The following TMEM117 variants were observed in gnomAD, a reference collection of about 807,000 sequenced individuals.
TMEM117 encodes the protein transmembrane protein 117.
In TMEM117, 27 loss-of-function variants were observed where a neutral mutation model predicts 52.4. The ratio of observed to expected loss-of-function variants is 0.51; its 90% CI spans 0.38 to 0.71. TMEM117 has a LOEUF of 0.71. Among genes scored for constraint, TMEM117 ranks in the 30% least tolerant of loss-of-function variants. The pLI is 0.00. For synonymous variants in TMEM117, 215 were observed against 206.3 expected, an observed-to-expected ratio of 1.04 and a Z score of -0.36; for missense variants, 556 against 630.5, an observed-to-expected ratio of 0.88 and a Z score of 1.26.
intron 7 of TMEM117, among the ~76,000 whole-genome samples, chr12:44,379,151 G>C (rs958239031): frequency 1.3e-5 from 2 of 151,494 alleles, no homozygotes; most frequent in Non-Finnish European, 2.9e-5. Flanking sequence ...AAAGAGGAGG[G>C]AGGGAAGAAA....
intron 5 of TMEM117, among the ~76,000 whole-genome samples, chr12:44,255,011 G>C (rs1267369370): frequency 6.6e-6 from 1 of 152,116 alleles, no homozygotes; most frequent in Non-Finnish European, 1.5e-5. Flanking sequence ...TGGCTGCATA[G>C]TATTCCATGG....
chr12:44,162,085 G>A (rs561712704), intron 4 of TMEM117, among the ~76,000 whole-genome samples: 2 of 152,252 alleles, frequency 1.3e-5, no homozygotes, highest in African/African-American at 4.8e-5. Flanking sequence ...ATGAGATGCC[G>A]TATGGAGCTC....
intron 3 of TMEM117, among the ~76,000 whole-genome samples, chr12:43,978,144 A>T (rs1357933605): frequency 6.6e-6 from 1 of 152,110 alleles, no homozygotes; most frequent in Non-Finnish European, 1.5e-5. Flanking sequence ...GGAAAAATTG[A>T]TGTGATTGGG....
chr12:43,838,926 A>G (rs1434953171), intron 1 of TMEM117, among the ~76,000 whole-genome samples: 1 of 152,090 alleles, frequency 6.6e-6, no homozygotes, highest in East Asian at 1.9e-4. Context: ...AAAGCACTAA[A>G]AAGTGTTAAT....
chr12:43,818,088 G>A, the TMEM117 span, among the ~76,000 whole-genome samples: 2 of 152,164 alleles, frequency 1.3e-5, no homozygotes, highest in African/African-American at 2.4e-5. Flanking sequence ...TTTGTAGAAT[G>A]TTAATTTAAG....
chr12:43,980,424 G>A (rs1170094284), intron 3 of TMEM117, among the ~76,000 whole-genome samples: 1 of 152,158 alleles, frequency 6.6e-6, no homozygotes, highest in East Asian at 1.9e-4. Context: ...TGGGATATGG[G>A]ATACAACAGT....
intron 3 of TMEM117, among the ~76,000 whole-genome samples, chr12:44,021,411 G>T (rs1946454104): frequency 6.6e-6 from 1 of 152,144 alleles, no homozygotes; most frequent in South Asian, 2.1e-4. Flanking sequence ...ATAGCCTCCA[G>T]CCTCATCCAT....
intron 2 of TMEM117, among the ~76,000 whole-genome samples, chr12:43,899,006 T>C (rs1272103830): frequency 6.6e-6 from 1 of 152,232 alleles, no homozygotes; most frequent in East Asian, 1.9e-4. Flanking sequence ...ATATATGTTA[T>C]AGGCAGATAA....
At chr12:43,838,782 G>C (rs1334851341) in intron 1 of TMEM117, among the ~76,000 whole-genome samples, 4 of 151,886 alleles carry the variant, frequency 2.6e-5, no homozygotes, top group Non-Finnish European at 5.9e-5. Context: ...GTTTCTGTCA[G>C]CTGGTAGCTT....
At chr12:44,006,183 A>G (rs1380370965) in intron 3 of TMEM117, among the ~76,000 whole-genome samples, 5 of 152,182 alleles carry the variant, frequency 3.3e-5, no homozygotes, top group East Asian at 1.9e-4. Context: ...TTCACCACTT[A>G]TCTGTGCTTT....
At chr12:44,282,515 A>G (rs143991740) in intron 5 of TMEM117, among the ~76,000 whole-genome samples, 1 of 152,198 alleles carries the variant, frequency 6.6e-6, no homozygotes, top group Admixed American at 6.5e-5. Flanking sequence ...ATGTTTTAGC[A>G]AAGAGACTAA....
rs146860019 is a variant in TMEM117, at chr12:44,214,075, T to G, written c.608+2688T>G. On this transcript the variant is annotated intron_variant, in intron 5 of 7. Transcript: ENST00000266534. ...GAGGAGAGAAATCCATTAATATGAT[T>G]TTTTCTTTGAACATTATCACTCAGG... Among the ~76,000 whole-genome samples, 86 of 152,082 alleles carry G rather than the reference T, an allele frequency of 5.7e-4. 1 individual carries two copies. Among genetic ancestry groups the G allele is most frequent in the African/African-American group, 2.0e-3 (84 of 41,542 alleles).
In TMEM117 at chr12:43,889,089, T is replaced by A. The variant is rs1214976237; in HGVS notation, c.277+44161T>A. Among the ~76,000 whole-genome samples, 41 of 151,472 alleles carry A rather than the reference T, an allele frequency of 2.7e-4. 1 individual carries two copies. The highest frequency in any genetic ancestry group is 9.2e-4 in the Admixed American group (14 of 15,224). ...TAGATCCTCAGGCGTTGGATTCTTT[T>A]TTTTTTTTTTGAGATGGAGTTTTGC... is the stretch of plus-strand genomic sequence containing the variant. On this transcript the variant is annotated intron_variant, in intron 2 of 7. Transcript: ENST00000266534.
chr12:43,882,905 T>G (rs941868571), intron 2 of TMEM117, among the ~76,000 whole-genome samples: 2 of 152,222 alleles, frequency 1.3e-5, no homozygotes, highest in Non-Finnish European at 2.9e-5. Flanking sequence ...CTCTGCAGCA[T>G]CTTTTATAAT....
chr12:44,094,952 C>T (rs370585051), intron 3 of TMEM117, among the ~76,000 whole-genome samples: 1 of 152,084 alleles, frequency 6.6e-6, no homozygotes, highest in African/African-American at 2.4e-5. Context: ...TACGTATGTA[C>T]CGTCATATTT....
intron 7 of TMEM117, among the ~76,000 whole-genome samples, chr12:44,378,823 T>G (rs1951978516): frequency 6.6e-6 from 1 of 152,106 alleles, no homozygotes; most frequent in East Asian, 1.9e-4. Context: ...AATCGAACTT[T>G]GGGAAAGCTC....
chr12:44,058,962 T>G (rs115847589), intron 3 of TMEM117, among the ~76,000 whole-genome samples: 282 of 152,194 alleles, frequency 1.9e-3, no homozygotes, highest in African/African-American at 6.4e-3. Context: ...GATCGGGGGA[T>G]GGGTGGAGGT....
At chr12:43,961,430 G>A (rs1945401625) in intron 3 of TMEM117, among the ~76,000 whole-genome samples, 2 of 152,036 alleles carry the variant, frequency 1.3e-5, no homozygotes, top group South Asian at 4.1e-4. Context: ...AAATAGGAAA[G>A]TCTTATGCCA....
At chr12:44,185,130 CA>C (rs1434569092) in intron 4 of TMEM117, among the ~76,000 whole-genome samples, 4 of 152,162 alleles carry the variant, frequency 2.6e-5, no homozygotes, top group African/African-American at 9.7e-5. Context: ...TACAGGTAAT[CA>C]TTGATTTATT....
Sources: allele counts gnomAD v4.1 joint callset (sites outside exome capture counted in the v4.1 genomes callset), GRCh38; gene constraint gnomAD v4.1.1; transcripts MANE v1.5; gene names NCBI Gene and HGNC (gene_info 2026-07-23, HGNC 2026-07-21).